FHOD3: variants seen among roughly 807,000 people sequenced by gnomAD.
FHOD3 encodes the protein formin homology 2 domain containing 3.
FHOD3 carries 90 observed loss-of-function variants against 173.0 expected under a neutral mutation model. The ratio of observed to expected loss-of-function variants is 0.52; its 90% CI spans 0.44 to 0.62. The LOEUF (loss-of-function observed/expected upper bound fraction) is 0.62. Ranked by LOEUF, FHOD3 falls within the 20% of genes least tolerant of loss-of-function variation. FHOD3 has a pLI of 0.00. For missense variants in FHOD3, 1,945 were observed against 2,034.7 expected, an observed-to-expected ratio of 0.96 and a Z score of 0.85; for synonymous variants, 828 against 823.0, an observed-to-expected ratio of 1.01 and a Z score of -0.10.
Position 36,399,787 on chromosome 18 carries a change from T to C in FHOD3, c.337+27043T>C, listed in dbSNP as rs930587244. On this transcript the variant is annotated intron_variant, in intron 3 of 28. Coordinates refer to ENST00000590592, the MANE Select transcript of FHOD3 (RefSeq NM_001281740.3). The stretch of plus-strand genomic sequence containing the variant: ...TGCTGGGAATCCAGGATCAACTGTT[T>C]ATAGCCACCGCCAGGAAGATGCTCT... Among the ~76,000 whole-genome samples the C allele has an allele frequency of 3.9e-5, 6 of 152,210 alleles. No homozygotes were observed. In the East Asian group the frequency reaches 1.2e-3, roughly 29 times the overall value.
At chr18:36,315,406 CAA>C (rs2044067992) in intron 1 of FHOD3, among the ~76,000 whole-genome samples, 1 of 152,082 alleles carries the variant, frequency 6.6e-6, no homozygotes, top group Non-Finnish European at 1.5e-5. Flanking sequence ...TCCCTGTGAC[CAA>C]AGTCTTTCCC....
At chr18:36,750,160 G>C (rs769308005) in intron 24 of FHOD3, among the ~76,000 whole-genome samples, 41 of 152,066 alleles carry the variant, frequency 2.7e-4, no homozygotes, top group Admixed American at 2.6e-4. Flanking sequence ...ATGGTGGTGG[G>C]CACCTGTAGT....
At chr18:36,609,933 C>G (rs2644250) in intron 8 of FHOD3, among the ~76,000 whole-genome samples, 110 of 152,252 alleles carry the variant, frequency 7.2e-4, no homozygotes, top group African/African-American at 2.6e-3. Flanking sequence ...CTATAGTTCT[C>G]ATTTTTAAAT....
At chr18:36,321,355 T>G (rs943473450) in intron 1 of FHOD3, among the ~76,000 whole-genome samples, 2 of 151,136 alleles carry the variant, frequency 1.3e-5, no homozygotes, top group African/African-American at 4.9e-5. Flanking sequence ...GAGATGGGGG[T>G]CCCCTCTCTG....
At chr18:36,549,520 G>GATC (rs1377504861) in intron 5 of FHOD3, among the ~76,000 whole-genome samples, 1 of 140,282 alleles carries the variant, frequency 7.1e-6, no homozygotes, top group Non-Finnish European at 1.5e-5. Context: ...TTTAGTGTCA[G>GATC]ATCTAAGAAA....
intron 19 of FHOD3, among the ~76,000 whole-genome samples, chr18:36,723,440 T>C (rs894120922): frequency 9.2e-5 from 14 of 152,190 alleles, no homozygotes; most frequent in African/African-American, 2.9e-4. Context: ...CCCGTCTCCC[T>C]TGTTTCAAGA....
chr18:36,598,223 A>G (rs1599812712), intron 7 of FHOD3, among the ~76,000 whole-genome samples: 1 of 152,228 alleles, frequency 6.6e-6, no homozygotes, highest in Non-Finnish European at 1.5e-5. Flanking sequence ...ATGAGTGGAC[A>G]TATGAGCAGT....
At chr18:36,416,158 G>C (rs554457921) in intron 3 of FHOD3, among the ~76,000 whole-genome samples, 1 of 152,080 alleles carries the variant, frequency 6.6e-6, no homozygotes, top group Non-Finnish European at 1.5e-5. Context: ...TCAGCCTTGC[G>C]AGTAGCTGGG....
chr18:36,676,118 T>C (rs373039494), intron 14 of FHOD3, among the ~76,000 whole-genome samples: 12 of 152,324 alleles, frequency 7.9e-5, no homozygotes, highest in African/African-American at 1.9e-4. Context: ...AGATATAACA[T>C]TGAAACCCTT....
At chr18:36,449,506 C>G (rs576992449) in intron 3 of FHOD3, among the ~76,000 whole-genome samples, 1 of 152,264 alleles carries the variant, frequency 6.6e-6, no homozygotes, top group African/African-American at 2.4e-5. Flanking sequence ...AACACAGGTC[C>G]ATCTGACCCC....
intron 20 of FHOD3, among the ~76,000 whole-genome samples, chr18:36,732,517 C>T (rs926904181): frequency 5.3e-5 from 8 of 152,188 alleles, no homozygotes; most frequent in Non-Finnish European, 7.3e-5. Flanking sequence ...GGTGTGTTCT[C>T]TGTCTTCAAA....
At chr18:36,403,799 AC>A (rs920744114) in intron 3 of FHOD3, among the ~76,000 whole-genome samples, 9 of 152,194 alleles carry the variant, frequency 5.9e-5, no homozygotes, top group African/African-American at 2.2e-4. Context: ...TGGTGCCTGG[AC>A]CCTGTGGCAG....
intron 14 of FHOD3, among the ~76,000 whole-genome samples, chr18:36,661,130 A>T (rs2036769150): frequency 6.6e-6 from 1 of 152,156 alleles, no homozygotes; most frequent in South Asian, 2.1e-4. Flanking sequence ...GGGAAAAAAA[A>T]AAAGAAATAA....
intron 3 of FHOD3, among the ~76,000 whole-genome samples, chr18:36,488,518 A>G (rs1372858477): frequency 1.3e-5 from 2 of 152,196 alleles, no homozygotes; most frequent in Non-Finnish European, 2.9e-5. Context: ...CCCTGAGTGC[A>G]GTGCCCAGGA....
intron 8 of FHOD3, among the ~76,000 whole-genome samples, chr18:36,604,611 C>G (rs1416922458): frequency 6.6e-6 from 1 of 151,710 alleles, no homozygotes; most frequent in Non-Finnish European, 1.5e-5. Flanking sequence ...CAGTAAGCCC[C>G]AAGGAGCTTA....
chr18:36,563,778 A>G (rs2058170724), intron 5 of FHOD3, among the ~76,000 whole-genome samples: 1 of 152,120 alleles, frequency 6.6e-6, no homozygotes. Context: ...GTCTTCTCCC[A>G]GCTACATGTG....
intron 3 of FHOD3, among the ~76,000 whole-genome samples, chr18:36,426,881 G>C (rs1180401324): frequency 6.6e-6 from 1 of 152,016 alleles, no homozygotes; most frequent in Non-Finnish European, 1.5e-5. Flanking sequence ...GTTATAAATG[G>C]TTTTGTTTAA....
chr18:36,735,275 T>G (rs2041572105), intron 20 of FHOD3, among the ~76,000 whole-genome samples: 1 of 152,166 alleles, frequency 6.6e-6, no homozygotes, highest in Non-Finnish European at 1.5e-5. Context: ...CCTGTACAGT[T>G]CCTGTCCACA....
At chr18:36,688,935 G>A (rs2038794631) in intron 16 of FHOD3, among the ~76,000 whole-genome samples, 1 of 152,152 alleles carries the variant, frequency 6.6e-6, no homozygotes, top group East Asian at 1.9e-4. Context: ...CTCTCCTCTG[G>A]TTCTGCCCAT....
Sources: allele counts gnomAD v4.1 joint callset (sites outside exome capture counted in the v4.1 genomes callset), GRCh38; gene constraint gnomAD v4.1.1; transcripts MANE v1.5; gene names NCBI Gene and HGNC (gene_info 2026-07-23, HGNC 2026-07-21).